Variants in ATG10 observed in about 807,000 individuals in gnomAD.
ATG10 encodes autophagy related 10, also known as ubiquitin-like-conjugating enzyme ATG10.
Under a neutral mutation model 32.1 loss-of-function variants are expected in ATG10, and 30 were observed. That is an observed-to-expected ratio of 0.94 (90% confidence interval 0.70 to 1.27). ATG10 has a LOEUF of 1.27. Among genes scored for constraint, ATG10 ranks in the 50% most tolerant of loss-of-function variants. ATG10 has a pLI of 0.00. For missense variants in ATG10, 233 were observed against 262.3 expected (o/e 0.89, Z 0.77); for synonymous variants, 87 against 91.5 (o/e 0.95, Z 0.28).
chr5:82,012,478 T>G (rs1554040813), intron 2 of ATG10, among the ~76,000 whole-genome samples: 1 of 152,192 alleles, frequency 6.6e-6, no homozygotes, highest in Non-Finnish European at 1.5e-5. Context: ...TTTTTTTAGA[T>G]TGAATCTATG....
At chr5:82,153,276 CGTTA>C (rs1309182891) in intron 3 of ATG10, among the ~76,000 whole-genome samples, 4 of 152,174 alleles carry the variant, frequency 2.6e-5, no homozygotes, top group African/African-American at 9.6e-5. Context: ...GCTCAGTGAA[CGTTA>C]GTTAGTTGAA....
intron 3 of ATG10, among the ~76,000 whole-genome samples, chr5:82,158,499 G>A (rs1446005791): frequency 6.6e-6 from 1 of 151,906 alleles, no homozygotes; most frequent in African/African-American, 2.4e-5. Flanking sequence ...TAGTATAGCT[G>A]TTTACATAGC....
rs192269475 is a variant in ATG10 at position 82,205,644 on chromosome 5, A to G, written c.453+27057A>G. On this transcript the variant is annotated intron_variant, in intron 5 of 7. Transcript: ENST00000282185. ...TTTTCTGTGAAATTGGACATGTGAA[A>G]TCTGCTGTCAGAGAGAGATTTTATG... Among the ~76,000 whole-genome samples, 19 of 152,322 alleles carry G rather than the reference A, an allele frequency of 1.2e-4. No individual in the cohort carries two copies. The Middle Eastern group carries it at 0.01, about 82-fold the overall frequency.
chr5:82,071,231 G>T (rs961994677), intron 3 of ATG10, among the ~76,000 whole-genome samples: 1 of 152,092 alleles, frequency 6.6e-6, no homozygotes, highest in Admixed American at 6.6e-5. Flanking sequence ...AGAGCTGATC[G>T]TAGGGGATCT....
chr5:82,082,114 C>A (rs540685943), intron 3 of ATG10, among the ~76,000 whole-genome samples: 5 of 152,236 alleles, frequency 3.3e-5, no homozygotes, highest in Non-Finnish European at 7.4e-5. Flanking sequence ...TCCCATGACA[C>A]ATGGGAATTG....
intron 2 of ATG10, among the ~76,000 whole-genome samples, chr5:82,052,806 C>T (rs1338093574): frequency 6.6e-6 from 1 of 152,114 alleles, no homozygotes; most frequent in African/African-American, 2.4e-5. Context: ...TCAATATTTA[C>T]AGAACTCATT....
chr5:82,054,836 C>T (rs1003952154), intron 2 of ATG10, among the ~76,000 whole-genome samples: 47 of 152,080 alleles, frequency 3.1e-4, no homozygotes, highest in African/African-American at 1.0e-3. Flanking sequence ...AGCTTATGAT[C>T]TAGTGGGAGA....
intron 5 of ATG10, among the ~76,000 whole-genome samples, chr5:82,200,723 G>A (rs574020942): frequency 5.3e-5 from 8 of 150,454 alleles, no homozygotes; most frequent in Non-Finnish European, 1.0e-4. Context: ...AGTTCTTTAC[G>A]TATTCCAGAT....
intron 5 of ATG10, among the ~76,000 whole-genome samples, chr5:82,203,658 A>C (rs941307086): frequency 2.0e-5 from 3 of 152,026 alleles, no homozygotes; most frequent in Admixed American, 1.3e-4. Flanking sequence ...GGGGAGTTTA[A>C]TCTGTTTACC....
chr5:82,084,606 G>A (rs561261869), intron 3 of ATG10, among the ~76,000 whole-genome samples: 2 of 152,202 alleles, frequency 1.3e-5, no homozygotes, highest in African/African-American at 2.4e-5. Flanking sequence ...CCCACAAAGG[G>A]AAGCCCATCA....
intron 3 of ATG10, among the ~76,000 whole-genome samples, chr5:82,098,473 G>T (rs567396726): frequency 6.6e-6 from 1 of 152,088 alleles, no homozygotes; most frequent in Admixed American, 6.5e-5. Context: ...ACCACGCCCT[G>T]CTAATTTTTG....
At chr5:82,136,725 T>A (rs1325362633) in intron 3 of ATG10, among the ~76,000 whole-genome samples, 1 of 152,170 alleles carries the variant, frequency 6.6e-6, no homozygotes, top group Non-Finnish European at 1.5e-5. Context: ...CTTTGTGATA[T>A]TCTCTGAATT....
intron 5 of ATG10, among the ~76,000 whole-genome samples, chr5:82,188,570 C>G (rs980666373): frequency 6.6e-6 from 1 of 152,082 alleles, no homozygotes; most frequent in Non-Finnish European, 1.5e-5. Context: ...AACTTCAAGT[C>G]TGAGGAATAT....
At chr5:82,156,304 G>A (rs1474660797) in intron 3 of ATG10, among the ~76,000 whole-genome samples, 1 of 152,152 alleles carries the variant, frequency 6.6e-6, no homozygotes, top group Non-Finnish European at 1.5e-5. Context: ...CCCTCCATGT[G>A]TATGTGAGGC....
rs574205539 is a variant in ATG10 at position 82,076,179 on chromosome 5, G to A, written c.216+17577G>A. Among the ~76,000 whole-genome samples, 21 of 151,962 alleles carry A rather than the reference G, an allele frequency of 1.4e-4. No individual in the cohort carries two copies. In the East Asian group the frequency reaches 2.9e-3, roughly 21 times the overall value. ...TGTTTTTGGCTATCTTTTGAGCATCGGGTACCGTGCTGAAGGATACAGGCA... is the reference window on the plus strand; with the variant it reads ...TGTTTTTGGCTATCTTTTGAGCATCAGGTACCGTGCTGAAGGATACAGGCA... On this transcript the variant is annotated intron_variant, in intron 3 of 7. Coordinates refer to ENST00000282185, the MANE Select transcript of ATG10 (RefSeq NM_031482.5).
At chr5:82,066,599 A>G (rs1398633684) in intron 3 of ATG10, among the ~76,000 whole-genome samples, 2 of 152,198 alleles carry the variant, frequency 1.3e-5, no homozygotes, top group Non-Finnish European at 2.9e-5. Context: ...CCTCGACAAA[A>G]AACAACCTAT....
intron 5 of ATG10, among the ~76,000 whole-genome samples, chr5:82,181,835 A>T (rs184353696): frequency 9.9e-5 from 15 of 152,238 alleles, no homozygotes; most frequent in Non-Finnish European, 1.5e-5. Context: ...GATGATAAGG[A>T]CCTATTCATG....
intron 4 of ATG10, among the ~76,000 whole-genome samples, chr5:82,165,649 A>G (rs1743544111): frequency 6.6e-6 from 1 of 152,192 alleles, no homozygotes; most frequent in Non-Finnish European, 1.5e-5. Context: ...CTAATTCACA[A>G]ACTCTTGCTG....
chr5:82,170,608 A>C (rs1164843962), intron 4 of ATG10, among the ~76,000 whole-genome samples: 2 of 152,174 alleles, frequency 1.3e-5, no homozygotes, highest in Non-Finnish European at 2.9e-5. Context: ...TATTAATCTC[A>C]AGAGTTTGGG....
Sources: gnomAD v4.1 joint callset for allele counts (sites outside exome capture counted in the v4.1 genomes callset) on GRCh38, gnomAD v4.1.1 for gene constraint, MANE v1.5 for transcripts, NCBI Gene and HGNC (gene_info 2026-07-23, HGNC 2026-07-21) for gene names.